Variants in ACER3 observed in about 807,000 individuals in gnomAD.
ACER3 encodes alkCDase 3.
Under a neutral mutation model 48.9 loss-of-function variants are expected in ACER3, and 16 were observed. The observed-to-expected ratio is 0.33, with a 90% CI of 0.22 to 0.50. The LOEUF (loss-of-function observed/expected upper bound fraction) is 0.50. Among genes scored for constraint, ACER3 ranks in the 20% least tolerant of loss-of-function variants. The pLI is 0.98. For missense variants in ACER3, 227 were observed against 326.0 expected (o/e 0.70, Z 2.34); for synonymous variants, 109 against 107.8 (o/e 1.01, Z -0.07).
chr11:76,886,885 C>T (rs944978672), intron 1 of ACER3, among the ~76,000 whole-genome samples: 2 of 152,066 alleles, frequency 1.3e-5, no homozygotes, highest in Admixed American at 1.3e-4. Context: ...GGCATGTTGC[C>T]CAGGCTGGTT....
At chr11:76,945,101 C>T (rs1021620489) in intron 2 of ACER3, among the ~76,000 whole-genome samples, 8 of 150,840 alleles carry the variant, frequency 5.3e-5, no homozygotes, top group Non-Finnish European at 1.2e-4. Flanking sequence ...TGGTAAATTT[C>T]TCATTTATAT....
intron 3 of ACER3, among the ~76,000 whole-genome samples, chr11:76,968,349 T>C (rs1948194548): frequency 6.6e-6 from 1 of 151,988 alleles, no homozygotes; most frequent in South Asian, 2.1e-4. Context: ...ATCAATATCG[T>C]GAAAATGGCC....
intron 3 of ACER3, among the ~76,000 whole-genome samples, chr11:76,963,454 C>A (rs1376348692): frequency 3.0e-5 from 4 of 134,478 alleles, no homozygotes; most frequent in African/African-American, 7.8e-5. Flanking sequence ...TTTCTTGAGA[C>A]CACAAGCTCG....
At chr11:76,903,777 G>T (rs4945119) in intron 1 of ACER3, among the ~76,000 whole-genome samples, 90,040 of 151,800 alleles carry the variant, frequency 0.59, 28,994 homozygotes, top group Non-Finnish European at 0.74. Flanking sequence ...TTTTGAAATG[G>T]CCCTGCAAAG....
At chr11:77,005,985 A>ATT (rs1288542794) in intron 7 of ACER3, among the ~76,000 whole-genome samples, 2 of 39,278 alleles carry the variant, frequency 5.1e-5, no homozygotes, top group African/African-American at 1.1e-4. Context: ...ATATATATAT[A>ATT]TATATATTTT....
chr11:76,909,015 T>C (rs1353279390), intron 1 of ACER3, among the ~76,000 whole-genome samples: 1 of 152,076 alleles, frequency 6.6e-6, no homozygotes, highest in Non-Finnish European at 1.5e-5. Flanking sequence ...AAACAAGAAA[T>C]GGGGGAAAGG....
At chr11:76,908,435 C>T (rs1946289098) in intron 1 of ACER3, among the ~76,000 whole-genome samples, 1 of 137,368 alleles carries the variant, frequency 7.3e-6, no homozygotes, top group African/African-American at 2.5e-5. Context: ...AAATCACAAG[C>T]ATCCCTATAC....
intron 7 of ACER3, among the ~76,000 whole-genome samples, chr11:77,013,265 C>T (rs1255296424): frequency 6.6e-6 from 1 of 152,040 alleles, no homozygotes; most frequent in Non-Finnish European, 1.5e-5. Context: ...ACAAACTGAA[C>T]TTCATCAAAA....
At chr11:76,989,193 T>C (rs988099453) in intron 5 of ACER3, among the ~76,000 whole-genome samples, 13 of 151,542 alleles carry the variant, frequency 8.6e-5, no homozygotes, top group African/African-American at 3.1e-4. Flanking sequence ...GTTACAGATA[T>C]ACAATATCTC....
At chr11:76,949,518 G>T (rs1380497973) in intron 2 of ACER3, among the ~76,000 whole-genome samples, 3 of 152,064 alleles carry the variant, frequency 2.0e-5, no homozygotes, top group African/African-American at 7.2e-5. Context: ...CAGTGTGCAT[G>T]CAAGAAAAAG....
intron 2 of ACER3, among the ~76,000 whole-genome samples, chr11:76,936,867 C>A (rs4945123): frequency 0.57 from 86,598 of 151,680 alleles, 27,913 homozygotes; most frequent in Non-Finnish European, 0.74. Context: ...ACAGAGTGCA[C>A]CACCATGCCC....
At chr11:76,930,561 G>A (rs1182740320) in intron 2 of ACER3, among the ~76,000 whole-genome samples, 1 of 151,898 alleles carries the variant, frequency 6.6e-6, no homozygotes, top group Non-Finnish European at 1.5e-5. Flanking sequence ...TGATGTTAGG[G>A]TGTCAGTTTT....
chr11:76,935,747 A>G (rs901000646), intron 2 of ACER3, among the ~76,000 whole-genome samples: 2 of 152,214 alleles, frequency 1.3e-5, no homozygotes, highest in Admixed American at 6.5e-5. Context: ...GCACTGTTCA[A>G]TTTAGTAGCT....
chr11:76,943,749 ACC>A (rs71043514), intron 2 of ACER3, among the ~76,000 whole-genome samples: 18,785 of 146,844 alleles, frequency 0.13, 2,148 homozygotes, highest in African/African-American at 0.3. Context: ...TGTGTTGAAG[ACC>A]CCCCCCCCCA....
At chr11:76,893,292 C>T (rs1945852331) in intron 1 of ACER3, among the ~76,000 whole-genome samples, 1 of 152,050 alleles carries the variant, frequency 6.6e-6, no homozygotes, top group Admixed American at 6.5e-5. Flanking sequence ...ATCACTTGAG[C>T]CCAGGAGTTC....
chr11:77,000,319 T>A (rs1197322514), intron 7 of ACER3, among the ~76,000 whole-genome samples: 1 of 152,126 alleles, frequency 6.6e-6, no homozygotes, highest in Non-Finnish European at 1.5e-5. Flanking sequence ...TACAGTTGAG[T>A]TGTGAGATTC....
At chr11:76,941,202 G>C (rs1288439803) in intron 2 of ACER3, among the ~76,000 whole-genome samples, 2 of 152,108 alleles carry the variant, frequency 1.3e-5, no homozygotes, top group African/African-American at 2.4e-5. Flanking sequence ...CATAACAACT[G>C]CTTAACTGAT....
chr11:76,881,005 C>T (rs1945510430), intron 1 of ACER3, among the ~76,000 whole-genome samples: 1 of 151,918 alleles, frequency 6.6e-6, no homozygotes, highest in African/African-American at 2.4e-5. Flanking sequence ...CCTATAATAC[C>T]AGCAGTTTGG....
At chr11:76,929,913 T>C (rs11537264) in intron 2 of ACER3, among the ~76,000 whole-genome samples, 86,256 of 151,982 alleles carry the variant, frequency 0.57, 27,877 homozygotes, top group Non-Finnish European at 0.74. Context: ...TCATCAGATA[T>C]ATTGGTCTAA....
Sources: allele counts gnomAD v4.1 joint callset (sites outside exome capture counted in the v4.1 genomes callset), GRCh38; gene constraint gnomAD v4.1.1; transcripts MANE v1.5; gene names NCBI Gene and HGNC (gene_info 2026-07-23, HGNC 2026-07-21).